The following EXOC4 variants were observed in gnomAD, a reference collection of about 807,000 sequenced individuals.
The protein encoded by EXOC4 is exocyst complex component 4.
A neutral mutation model predicts 107.2 loss-of-function variants in EXOC4; 71 were observed. That is an observed-to-expected ratio of 0.66 (90% CI 0.55 to 0.81). The LOEUF (loss-of-function observed/expected upper bound fraction) is 0.81. Ranked by LOEUF, EXOC4 falls within the 30% of genes least tolerant of loss-of-function variation. The pLI is 0.00. For synonymous variants in EXOC4, 456 were observed against 441.2 expected, an observed-to-expected ratio of 1.03 and a Z score of -0.42; for missense variants, 1,108 against 1,189.6, an observed-to-expected ratio of 0.93 and a Z score of 1.01.
intron 17 of EXOC4, chr7:134,010,090 C>G (rs1222590748): frequency 2.0e-5 from 3 of 152,154 alleles, no homozygotes; most frequent in African/African-American, 7.2e-5. Flanking sequence ...AATAGGCTAG[C>G]ATAAAGATAC....
At chr7:133,665,563 T>A (rs1393055086) in intron 10 of EXOC4, among the ~76,000 whole-genome samples, 1 of 152,138 alleles carries the variant, frequency 6.6e-6, no homozygotes, top group Admixed American at 6.5e-5. Flanking sequence ...GGCCTAGGAT[T>A]TTTTTATAAT....
At chr7:133,428,070 C>T (rs1797768189) in intron 7 of EXOC4, among the ~76,000 whole-genome samples, 1 of 152,194 alleles carries the variant, frequency 6.6e-6, no homozygotes, top group Non-Finnish European at 1.5e-5. Flanking sequence ...TAAAAGTGCT[C>T]CAGCCTAATG....
At chr7:133,847,577 GTTTCACCAT>G (rs1798156675) in intron 11 of EXOC4, among the ~76,000 whole-genome samples, 1 of 144,998 alleles carries the variant, frequency 6.9e-6, no homozygotes, top group South Asian at 2.2e-4. Flanking sequence ...TAAAGATGGA[GTTTCACCAT>G]GTTAGCCAGG....
intron 9 of EXOC4, among the ~76,000 whole-genome samples, chr7:133,608,753 T>C (rs1271835841): frequency 1.3e-5 from 2 of 151,898 alleles, no homozygotes; most frequent in Non-Finnish European, 2.9e-5. Context: ...TTTACCATGT[T>C]GGCCAGGATG....
intron 11 of EXOC4, among the ~76,000 whole-genome samples, chr7:133,838,802 G>C (rs770366025): frequency 6.6e-6 from 1 of 152,194 alleles, no homozygotes; most frequent in Non-Finnish European, 1.5e-5. Context: ...TTGTGCCATC[G>C]TAGTATAAGA....
chr7:133,464,020 G>C (rs1281941916), intron 7 of EXOC4, among the ~76,000 whole-genome samples: 1 of 152,064 alleles, frequency 6.6e-6, no homozygotes, highest in Non-Finnish European at 1.5e-5. Context: ...GCACAGAGAG[G>C]TAATATCATA....
At chr7:134,074,696 T>C in the EXOC4 span, among the ~76,000 whole-genome samples, 1 of 152,198 alleles carries the variant, frequency 6.6e-6, no homozygotes, top group Non-Finnish European at 1.5e-5. Context: ...AGGTGAATCA[T>C]GCTGTTAGAC....
At chr7:133,667,870 C>G (rs769161794) in intron 10 of EXOC4, among the ~76,000 whole-genome samples, 37 of 152,122 alleles carry the variant, frequency 2.4e-4, no homozygotes, top group Non-Finnish European at 3.4e-4. Flanking sequence ...CATAAATAGC[C>G]TTTACAATCA....
At chr7:133,725,480 A>C (rs1795196207) in intron 10 of EXOC4, among the ~76,000 whole-genome samples, 1 of 152,132 alleles carries the variant, frequency 6.6e-6, no homozygotes, top group Admixed American at 6.5e-5. Context: ...GGTTCAAGTG[A>C]TTCTCCTGCC....
At position 133,489,983 on chromosome 7, in the gene EXOC4, G is replaced by T. The variant is rs189654287; in HGVS notation, c.1417+9845G>T. ...TAGGATGTGATTGAAAGTAATGTGT[G>T]TAACTTTGGGTCATTCTCTTATTGG... On this transcript the variant is annotated intron_variant, in intron 9 of 17. Transcript: ENST00000253861. Among the ~76,000 whole-genome samples the T allele has an allele frequency of 1.8e-3, 267 of 152,292 alleles. 1 individual carries two copies. Among genetic ancestry groups the T allele is most frequent in the African/African-American group, 6.0e-3 (250 of 41,562 alleles).
chr7:133,861,015 A>G (rs1798522356), intron 11 of EXOC4, among the ~76,000 whole-genome samples: 1 of 152,176 alleles, frequency 6.6e-6, no homozygotes, highest in Non-Finnish European at 1.5e-5. Context: ...ACCCATCCAA[A>G]GATATCCAAA....
chr7:133,847,774 T>A (rs1192725079), intron 11 of EXOC4, among the ~76,000 whole-genome samples: 1 of 151,700 alleles, frequency 6.6e-6, no homozygotes, highest in Non-Finnish European at 1.5e-5. Flanking sequence ...AATGGCATGA[T>A]CTCGGCTCAC....
chr7:133,742,924 T>C (rs1000016819), intron 10 of EXOC4, among the ~76,000 whole-genome samples: 6 of 152,168 alleles, frequency 3.9e-5, no homozygotes, highest in African/African-American at 1.4e-4. Flanking sequence ...TTTTCCCAAC[T>C]GCCCTCTGGT....
At chr7:133,545,828 C>T (rs1271578459) in intron 9 of EXOC4, among the ~76,000 whole-genome samples, 2 of 152,174 alleles carry the variant, frequency 1.3e-5, no homozygotes, top group East Asian at 3.9e-4. Flanking sequence ...ATGTGGCACC[C>T]TTCCAATACA....
intron 10 of EXOC4, among the ~76,000 whole-genome samples, chr7:133,673,411 G>C (rs1057440590): frequency 6.6e-6 from 1 of 152,152 alleles, no homozygotes; most frequent in Admixed American, 6.5e-5. Flanking sequence ...TGGACTTCAA[G>C]TGTTGAGAGT....
intron 10 of EXOC4, among the ~76,000 whole-genome samples, chr7:133,633,355 C>T (rs1282871469): frequency 1.3e-5 from 2 of 152,234 alleles, no homozygotes; most frequent in South Asian, 4.2e-4. Flanking sequence ...ATTTTTCTGT[C>T]CCAATTTGCC....
At chr7:134,019,482 ACT>A (rs2116414140) in intron 17 of EXOC4, among the ~76,000 whole-genome samples, 1 of 152,210 alleles carries the variant, frequency 6.6e-6, no homozygotes, top group African/African-American at 2.4e-5. Flanking sequence ...AATTATAATT[ACT>A]GTTATATAAT....
chr7:133,757,699 T>C (rs1334263818), intron 10 of EXOC4, among the ~76,000 whole-genome samples: 1 of 152,208 alleles, frequency 6.6e-6, no homozygotes, highest in Non-Finnish European at 1.5e-5. Context: ...CACCTAAATA[T>C]GTGTTTGTTC....
chr7:133,798,845 T>TA (rs1410893670), intron 10 of EXOC4, among the ~76,000 whole-genome samples: 2 of 151,812 alleles, frequency 1.3e-5, no homozygotes, highest in Admixed American at 1.3e-4. Context: ...GACATGAAAA[T>TA]ATAGTTGGGG....
Sources: allele counts gnomAD v4.1 joint callset (sites outside exome capture counted in the v4.1 genomes callset), GRCh38; gene constraint gnomAD v4.1.1; transcripts MANE v1.5; gene names NCBI Gene and HGNC (gene_info 2026-07-23, HGNC 2026-07-21).